Variants in HMGN5 observed in about 807,000 individuals in gnomAD.
HMGN5 encodes the protein high mobility group nucleosome binding domain 5.
HMGN5 carries 4 observed loss-of-function variants against 9.5 expected under a neutral mutation model. That is an observed-to-expected ratio of 0.42 (90% confidence interval 0.21 to 0.96). The LOEUF (loss-of-function observed/expected upper bound fraction) is 0.96. Ranked by LOEUF, HMGN5 falls within the 40% of genes least tolerant of loss-of-function variation. The pLI, the probability that HMGN5 is intolerant of heterozygous loss-of-function variation, is 0.30. For synonymous variants in HMGN5, 55 were observed against 57.1 expected, an observed-to-expected ratio of 0.96 and a Z score of 0.16; for missense variants, 192 against 187.5, an observed-to-expected ratio of 1.02 and a Z score of -0.14.
At chrX:81,134,928 T>A (rs2075307235) in intron 1 of HMGN5, among the ~76,000 whole-genome samples, 1 of 110,904 alleles carries the variant, frequency 9.0e-6, no homozygotes, top group Non-Finnish European at 1.9e-5. Context: ...TACAAACAAA[T>A]GAAATTGAGT....
At chrX:81,118,312 T>G (rs2075259848) in intron 5 of HMGN5, 120 bp downstream of exon 5, 1 of 418,565 alleles carries the variant, frequency 2.4e-6, no homozygotes, top group East Asian at 4.2e-5. Context: ...TGATAGAATA[T>G]AATATATTAC....
At chrX:81,161,996 C>G (rs2147572600) in intron 1 of HMGN5, among the ~76,000 whole-genome samples, 1 of 111,414 alleles carries the variant, frequency 9.0e-6, no homozygotes, top group South Asian at 3.8e-4. Flanking sequence ...AGGCTCTGTG[C>G]TAAAGATAAA....
At chrX:81,145,518 GAAC>G (rs2075341156) in intron 1 of HMGN5, among the ~76,000 whole-genome samples, 1 of 111,895 alleles carries the variant, frequency 8.9e-6, no homozygotes. Context: ...ACATGGAAAG[GAAC>G]AACGAGTGCC....
At chrX:81,189,875 A>G (rs1371802511) in intron 1 of HMGN5, among the ~76,000 whole-genome samples, 1 of 112,282 alleles carries the variant, frequency 8.9e-6, no homozygotes, top group Non-Finnish European at 1.9e-5. Context: ...GTTGCTATAC[A>G]TTCTCACCAG....
intron 1 of HMGN5, among the ~76,000 whole-genome samples, chrX:81,173,070 T>G (rs2075431074): frequency 9.0e-6 from 1 of 111,246 alleles, no homozygotes; most frequent in Non-Finnish European, 1.9e-5. Context: ...TATACAAAAC[T>G]TTTTATTGGT....
Position 81,143,328 on chromosome X carries a change from G to T in HMGN5, c.-123-21656C>A, listed in dbSNP as rs1280315694. Reference sequence around the variant, plus strand: ...AATGGACTAAACTCTCCCATCAAAAGACATGGAGTGGCTGAATGAATGAAA... The same window carrying T: ...AATGGACTAAACTCTCCCATCAAAATACATGGAGTGGCTGAATGAATGAAA... On this transcript the variant is annotated intron_variant, in intron 1 of 6. Transcript: ENST00000358130. Among the ~76,000 whole-genome samples the T allele has an allele frequency of 3.6e-5, 4 of 111,775 alleles. No individual in the cohort carries two copies. In the East Asian group the frequency reaches 1.1e-3, roughly 32 times the overall value.
chrX:81,121,030 C>A (rs2031699509), intron 2 of HMGN5, among the ~76,000 whole-genome samples: 1 of 108,078 alleles, frequency 9.3e-6, no homozygotes, highest in Admixed American at 9.9e-5. Context: ...ATTGCATAGC[C>A]ATCTGGCCTG....
At chrX:81,199,785 A>T (rs1343069163) in intron 1 of HMGN5, among the ~76,000 whole-genome samples, 1 of 112,168 alleles carries the variant, frequency 8.9e-6, no homozygotes, top group East Asian at 2.8e-4. Context: ...CTAGAAGAAG[A>T]CCTAGGCAAT....
At chrX:81,175,803 T>A (rs2075439890) in intron 1 of HMGN5, among the ~76,000 whole-genome samples, 1 of 111,240 alleles carries the variant, frequency 9.0e-6, no homozygotes, top group Non-Finnish European at 1.9e-5. Context: ...TTGTGAGGCC[T>A]CTCCCAGCTA....
chrX:81,146,327 C>T (rs778626669), intron 1 of HMGN5, among the ~76,000 whole-genome samples: 1 of 111,903 alleles, frequency 8.9e-6, no homozygotes, highest in Non-Finnish European at 1.9e-5. Flanking sequence ...CAAATTATAA[C>T]TCAGGATTGA....
intron 1 of HMGN5, among the ~76,000 whole-genome samples, chrX:81,141,691 A>G (rs2075330540): frequency 9.0e-6 from 1 of 111,659 alleles, no homozygotes; most frequent in Non-Finnish European, 1.9e-5. Flanking sequence ...ACAGCACCCA[A>G]GTACTTTTGA....
chrX:81,139,773 C>T (rs1051965645), intron 1 of HMGN5, among the ~76,000 whole-genome samples: 3 of 111,967 alleles, frequency 2.7e-5, no homozygotes, highest in Admixed American at 9.4e-5. Context: ...TCAGCTGATG[C>T]CTGTCCACAG....
At chrX:81,172,445 A>C (rs1207350874) in intron 1 of HMGN5, among the ~76,000 whole-genome samples, 3 of 110,445 alleles carry the variant, frequency 2.7e-5, no homozygotes. Flanking sequence ...GTGAACTAAC[A>C]TAATGTCTGA....
intron 1 of HMGN5, among the ~76,000 whole-genome samples, chrX:81,152,769 G>A (rs2075367542): frequency 1.8e-5 from 2 of 109,280 alleles, no homozygotes; most frequent in South Asian, 8.1e-4. Context: ...TGATAGACTG[G>A]GTTAAGAAAA....
intron 1 of HMGN5, among the ~76,000 whole-genome samples, chrX:81,124,033 A>T (rs914527417): frequency 1.8e-5 from 2 of 112,260 alleles, no homozygotes; most frequent in Non-Finnish European, 3.8e-5. Context: ...TGGAAGGTAA[A>T]GCTTAGAGAA....
At chrX:81,152,361 G>A (rs368925042) in intron 1 of HMGN5, among the ~76,000 whole-genome samples, 17 of 111,489 alleles carry the variant, frequency 1.5e-4, no homozygotes, top group African/African-American at 5.2e-4. Context: ...TCTCAAAAGA[G>A]GACATTTATG....
At chrX:81,159,408 A>T (rs891674938) in intron 1 of HMGN5, among the ~76,000 whole-genome samples, 3 of 111,493 alleles carry the variant, frequency 2.7e-5, no homozygotes, top group Non-Finnish European at 3.8e-5. Context: ...ATAAAAATTT[A>T]AAAAAAGAAA....
chrX:81,184,996 T>C (rs951339356), intron 1 of HMGN5, among the ~76,000 whole-genome samples: 2 of 112,112 alleles, frequency 1.8e-5, no homozygotes, highest in African/African-American at 6.5e-5. Context: ...TGTCTGTTTT[T>C]ATGGTGTTAC....
At chrX:81,115,314 T>C in intron 6 of HMGN5, 84 bp from the exon 7 acceptor site, 1 of 961,612 alleles carries the variant, frequency 1.0e-6, no homozygotes. Flanking sequence ...GGATTATATC[T>C]ATTTCACAGA....
Sources: allele counts gnomAD v4.1 joint callset (sites outside exome capture counted in the v4.1 genomes callset), GRCh38; gene constraint gnomAD v4.1.1; transcripts MANE v1.5; gene names NCBI Gene and HGNC (gene_info 2026-07-23, HGNC 2026-07-21).